Variants in FAM184A observed in about 807,000 individuals in gnomAD.
FAM184A encodes the protein protein FAM184A.
A neutral mutation model predicts 143.8 loss-of-function variants in FAM184A; 99 were observed. The observed-to-expected ratio is 0.69, with a 90% CI of 0.58 to 0.81. The LOEUF is 0.81. Among genes scored for constraint, FAM184A ranks in the 40% least tolerant of loss-of-function variants. The pLI is 0.00. For synonymous variants in FAM184A, 427 were observed against 446.4 expected (o/e 0.96, Z 0.55); for missense variants, 1,217 against 1,310.5 (o/e 0.93, Z 1.10).
chr6:118,987,577 C>A (rs1784232438), intron 9 of FAM184A, among the ~76,000 whole-genome samples: 1 of 152,146 alleles, frequency 6.6e-6, no homozygotes, highest in Admixed American at 6.5e-5. Flanking sequence ...AAGGGATTTA[C>A]TCTATTTTGC....
intron 1 of FAM184A, among the ~76,000 whole-genome samples, chr6:119,110,485 T>C (rs939358408): frequency 1.3e-5 from 2 of 152,062 alleles, no homozygotes; most frequent in African/African-American, 4.8e-5. Flanking sequence ...TTTTTTTTAG[T>C]TGGGTACACG....
intron 1 of FAM184A, among the ~76,000 whole-genome samples, chr6:119,113,717 G>A (rs1788991713): frequency 6.6e-6 from 1 of 152,090 alleles, no homozygotes; most frequent in Non-Finnish European, 1.5e-5. Flanking sequence ...GAGGTGAGTG[G>A]ATCACTTGAG....
At chr6:118,997,048 T>C (rs543712307) in intron 9 of FAM184A, among the ~76,000 whole-genome samples, 3 of 145,032 alleles carry the variant, frequency 2.1e-5, no homozygotes, top group African/African-American at 7.6e-5. Flanking sequence ...ATTCTAGGTA[T>C]CTTGCTATTC....
At chr6:119,020,423 TTTTTGTTTTTG>T (rs1785404120) in intron 3 of FAM184A, among the ~76,000 whole-genome samples, 1 of 151,972 alleles carries the variant, frequency 6.6e-6, no homozygotes, top group African/African-American at 2.4e-5. Context: ...TTACTGGTTT[TTTTTGTTTTTG>T]TTTTTGTTTT....
chr6:118,965,931 A>G (rs545295733), intron 15 of FAM184A, among the ~76,000 whole-genome samples: 26 of 152,142 alleles, frequency 1.7e-4, no homozygotes, highest in South Asian at 2.1e-4. Flanking sequence ...AGATGCAGCA[A>G]TCTATAAGGC....
Position 118,975,226 on chromosome 6 carries a change from T to G in FAM184A, c.2584-18A>C. 7.4e-7 allele frequency: 1 copy of G among 1,357,754 alleles called. No homozygotes were observed. The highest frequency in any genetic ancestry group is 1.0e-6 in the Non-Finnish European group (1 of 997,146). 84.1% of individuals were successfully genotyped at this position (1,357,754 alleles called of 1,614,324 possible). A position where few individuals can be genotyped will look rare whatever the true frequency, so the allele number is the denominator to read the frequency against. On this transcript the variant is annotated intron_variant, in intron 12 of 17. Transcript: ENST00000338891. Reference sequence around the variant, plus strand: ...TCCTTACTCTGTTAAAAAAAAAAAGTCATTTTTAGAAGTTTTCTACATATT... The same window carrying G: ...TCCTTACTCTGTTAAAAAAAAAAAGGCATTTTTAGAAGTTTTCTACATATT...
At chr6:119,124,819 G>GA (rs1582637079) in intron 1 of FAM184A, among the ~76,000 whole-genome samples, 1 of 151,760 alleles carries the variant, frequency 6.6e-6, no homozygotes, top group East Asian at 1.9e-4. Context: ...ATTCCAAGTA[G>GA]ATACAACCTC....
intron 1 of FAM184A, among the ~76,000 whole-genome samples, chr6:119,099,010 C>T (rs962223427): frequency 5.3e-5 from 8 of 152,022 alleles, no homozygotes; most frequent in Non-Finnish European, 8.8e-5. Context: ...CTTGGGAGGC[C>T]GAGGCAGGAG....
chr6:119,051,590 A>AT (rs1786767576), intron 1 of FAM184A, among the ~76,000 whole-genome samples: 1 of 152,190 alleles, frequency 6.6e-6, no homozygotes, highest in Non-Finnish European at 1.5e-5. Flanking sequence ...TTTCATTGAC[A>AT]TGCTTATTTC....
chr6:118,961,000 C>A, intron 17 of FAM184A: 1 of 280,846 alleles, frequency 3.6e-6, no homozygotes, highest in South Asian at 3.9e-5. Flanking sequence ...ATCACTTAGC[C>A]TAAAAAAACC....
rs199697909 is a variant in FAM184A at position 119,024,131 on chromosome 6, T to A, written c.842A>T (p.Lys281Ile). Reference protein sequence around the residue: ...LFTAESLQASKEKEADLRKEF... With the variant: ...LFTAESLQASIEKEADLRKEF... ...TTTTCTAAGATCAGCTTCCTTTTCT[T>A]TGCTGGCCTGTAGGCTTTCTGCTGT... The change falls in exon 2 of 18, where the codon AAA becomes ATA. Residue 281 changes from lysine to isoleucine, a missense_variant. Coordinates refer to ENST00000338891, the MANE Select transcript of FAM184A (RefSeq NM_024581.6). 1 of 1,614,180 alleles carries A rather than the reference T, an allele frequency of 6.2e-7. No individual in the cohort carries two copies. Among genetic ancestry groups the A allele is most frequent in the Non-Finnish European group, 8.5e-7 (1 of 1,180,030 alleles).
intron 14 of FAM184A, among the ~76,000 whole-genome samples, chr6:118,969,022 G>A (rs943673522): frequency 8.5e-5 from 13 of 152,148 alleles, no homozygotes; most frequent in Non-Finnish European, 1.6e-4. Context: ...AAACCTGGTG[G>A]GAAGTAATTG....
chr6:119,137,607 T>G (rs1055610621), intron 1 of FAM184A, among the ~76,000 whole-genome samples: 3 of 152,216 alleles, frequency 2.0e-5, no homozygotes, highest in African/African-American at 7.2e-5. Flanking sequence ...ACTCAGAATT[T>G]GCTAACTCAT....
intron 1 of FAM184A, among the ~76,000 whole-genome samples, chr6:119,099,227 G>T (rs897748147): frequency 6.6e-6 from 1 of 152,042 alleles, no homozygotes; most frequent in Non-Finnish European, 1.5e-5. Flanking sequence ...TCTCTTCATC[G>T]TATCCTTCGC....
At chr6:119,065,761 ATTTC>A (rs1787429924) in intron 1 of FAM184A, among the ~76,000 whole-genome samples, 1 of 152,114 alleles carries the variant, frequency 6.6e-6, no homozygotes. Flanking sequence ...CAGATTTGAT[ATTTC>A]TCAAATCTCC....
At chr6:119,047,699 G>A (rs989979054) in intron 1 of FAM184A, among the ~76,000 whole-genome samples, 8 of 152,188 alleles carry the variant, frequency 5.3e-5, no homozygotes, top group African/African-American at 1.9e-4. Context: ...TCCCTGAACA[G>A]ATCAATAATG....
intron 1 of FAM184A, among the ~76,000 whole-genome samples, chr6:119,129,557 T>A (rs912967051): frequency 6.6e-6 from 1 of 152,156 alleles, no homozygotes; most frequent in Admixed American, 6.5e-5. Context: ...TTTATTTCAG[T>A]CCACTAGGGG....
At chr6:119,038,158 C>A (rs1397566809) in intron 1 of FAM184A, among the ~76,000 whole-genome samples, 1 of 152,056 alleles carries the variant, frequency 6.6e-6, no homozygotes, top group Non-Finnish European at 1.5e-5. Context: ...CAGCTGTCAC[C>A]TGAATCAAGC....
chr6:119,111,290 A>T (rs555648263), intron 1 of FAM184A, among the ~76,000 whole-genome samples: 2 of 152,346 alleles, frequency 1.3e-5, no homozygotes, highest in African/African-American at 4.8e-5. Context: ...TATTTCACTT[A>T]TATGAGATTC....
Sources: gnomAD v4.1 joint callset for allele counts (sites outside exome capture counted in the v4.1 genomes callset) on GRCh38, gnomAD v4.1.1 for gene constraint, MANE v1.5 for transcripts, NCBI Gene and HGNC (gene_info 2026-07-23, HGNC 2026-07-21) for gene names.